Variants in TBC1D5 observed in about 807,000 individuals in gnomAD.
TBC1D5 encodes TBC1 domain family member 5.
Under a neutral mutation model 100.3 loss-of-function variants are expected in TBC1D5, and 75 were observed. The ratio of observed to expected loss-of-function variants is 0.75; its 90% CI spans 0.62 to 0.91. The LOEUF (loss-of-function observed/expected upper bound fraction) is 0.91. Ranked by LOEUF, TBC1D5 falls within the 40% of genes least tolerant of loss-of-function variation. TBC1D5 has a pLI of 0.00. For missense variants in TBC1D5, 910 were observed against 942.4 expected (o/e 0.97, Z 0.45); for synonymous variants, 323 against 325.6 (o/e 0.99, Z 0.09).
chr3:17,514,771 A>G (rs984168302), intron 2 of TBC1D5, among the ~76,000 whole-genome samples: 1 of 152,180 alleles, frequency 6.6e-6, no homozygotes, highest in Non-Finnish European at 1.5e-5. Flanking sequence ...TCAAACTGCC[A>G]AACAGAAAGC....
At chr3:17,344,669 CT>C (rs1245804535) in intron 13 of TBC1D5, among the ~76,000 whole-genome samples, 7 of 152,156 alleles carry the variant, frequency 4.6e-5, no homozygotes. Context: ...TCAAACTATA[CT>C]ACAAGGCTAC....
At chr3:17,334,831 T>G (rs1307152471) in intron 13 of TBC1D5, among the ~76,000 whole-genome samples, 1 of 152,172 alleles carries the variant, frequency 6.6e-6, no homozygotes, top group Non-Finnish European at 1.5e-5. Flanking sequence ...GCAAGGTAAT[T>G]GCAGTTGAGA....
At chr3:17,586,663 C>T (rs2096735021) in intron 2 of TBC1D5, 1 of 152,074 alleles carries the variant, frequency 6.6e-6, no homozygotes, top group South Asian at 2.1e-4. Context: ...ATACAAAAAG[C>T]AGGCTAAAAA....
In TBC1D5 at chr3:17,224,808, T is replaced by C. The variant is rs2074668917; in HGVS notation, c.1589-10438A>G. Among the ~76,000 whole-genome samples the C allele has an allele frequency of 3.3e-5, 5 of 152,356 alleles. No individual in the cohort carries two copies. The South Asian group carries it at 1.0e-3, about 32-fold the overall frequency. ...GGCAACAACACCCAGAGGTTTCTTT[T>C]GCAGCTATTACCCTGCTTAGTAAAC... On this transcript the variant is annotated intron_variant, in intron 17 of 21. Coordinates refer to ENST00000253692, the Ensembl canonical transcript of TBC1D5.
intron 1 of TBC1D5, among the ~76,000 whole-genome samples, chr3:17,727,711 C>T (rs1002750298): frequency 1.3e-5 from 2 of 152,138 alleles, no homozygotes; most frequent in Admixed American, 6.5e-5. Flanking sequence ...ACAAAAAGCA[C>T]CAGGCCTACA....
chr3:17,598,548 A>G (rs2060722716), intron 2 of TBC1D5, among the ~76,000 whole-genome samples: 1 of 152,090 alleles, frequency 6.6e-6, no homozygotes, highest in African/African-American at 2.4e-5. Context: ...TTATAATATC[A>G]CCTGTCTGTC....
chr3:17,372,288 A>T (rs762564957), intron 12 of TBC1D5, 41 bp from the exon 13 acceptor site: 2 of 1,502,966 alleles, frequency 1.3e-6, no homozygotes, highest in Non-Finnish European at 1.8e-6. Flanking sequence ...TTAAATATGA[A>T]ATTAATAAAT....
intron 3 of TBC1D5, among the ~76,000 whole-genome samples, chr3:17,448,238 T>C (rs997723254): frequency 6.6e-6 from 1 of 152,232 alleles, no homozygotes; most frequent in African/African-American, 2.4e-5. Flanking sequence ...TCTTGCTATT[T>C]CCTGTCCATC....
At chr3:17,722,248 C>G (rs2075768962) in intron 1 of TBC1D5, among the ~76,000 whole-genome samples, 1 of 152,164 alleles carries the variant, frequency 6.6e-6, no homozygotes, top group Non-Finnish European at 1.5e-5. Context: ...CTATTTTACT[C>G]AGCACAAGTA....
chr3:17,467,866 C>A (rs1239359000), intron 3 of TBC1D5, among the ~76,000 whole-genome samples: 1 of 152,188 alleles, frequency 6.6e-6, no homozygotes, highest in Non-Finnish European at 1.5e-5. Flanking sequence ...CACTGTACTG[C>A]AGTCTAGGAA....
chr3:17,478,207 G>C (rs982395254), intron 3 of TBC1D5, among the ~76,000 whole-genome samples: 2 of 151,984 alleles, frequency 1.3e-5, no homozygotes, highest in Non-Finnish European at 2.9e-5. Flanking sequence ...TAGGTTTTCA[G>C]TTAATTATTT....
intron 2 of TBC1D5, among the ~76,000 whole-genome samples, chr3:17,531,193 GACAA>G (rs553277854): frequency 1.2e-3 from 181 of 152,264 alleles, no homozygotes; most frequent in African/African-American, 4.2e-3. Context: ...AGCAATAACA[GACAA>G]ACAGAGAGCC....
chr3:17,246,039 A>G (rs932802148), intron 16 of TBC1D5, among the ~76,000 whole-genome samples: 13 of 152,162 alleles, frequency 8.5e-5, no homozygotes, highest in African/African-American at 3.1e-4. Context: ...GAGAATCACT[A>G]TATGTCTTCA....
chr3:17,504,101 C>A (rs2153225240), intron 3 of TBC1D5, among the ~76,000 whole-genome samples: 1 of 14,198 alleles, frequency 7.0e-5, no homozygotes, highest in East Asian at 1.8e-3. Flanking sequence ...AAACAGAGTT[C>A]ATACATTACA....
At chr3:17,609,114 T>C (rs2061514536) in intron 2 of TBC1D5, among the ~76,000 whole-genome samples, 2 of 152,256 alleles carry the variant, frequency 1.3e-5, no homozygotes, top group Non-Finnish European at 2.9e-5. Context: ...CTAATTACCA[T>C]ACTTTTTATT....
chr3:17,455,318 G>GTGTA (rs2095042970), intron 3 of TBC1D5, among the ~76,000 whole-genome samples: 1 of 135,696 alleles, frequency 7.4e-6, no homozygotes, highest in African/African-American at 3.2e-5. Flanking sequence ...GTAAATATGT[G>GTGTA]TATATGTGTA....
chr3:17,395,996 C>G (rs2093493880), intron 8 of TBC1D5, among the ~76,000 whole-genome samples: 1 of 151,970 alleles, frequency 6.6e-6, no homozygotes, highest in South Asian at 2.1e-4. Flanking sequence ...GACTACAGGC[C>G]ATTTGACAGA....
At chr3:17,270,802 G>A (rs1360101616) in intron 15 of TBC1D5, among the ~76,000 whole-genome samples, 1 of 152,064 alleles carries the variant, frequency 6.6e-6, no homozygotes, top group East Asian at 1.9e-4. Context: ...ATATGGTGAA[G>A]GTAGGAGTCC....
chr3:17,424,804 T>C (rs941120308), intron 4 of TBC1D5, among the ~76,000 whole-genome samples: 3 of 152,102 alleles, frequency 2.0e-5, no homozygotes, highest in Non-Finnish European at 2.9e-5. Flanking sequence ...AAAAAGTCTA[T>C]GAGTATTAGG....
Sources: allele counts gnomAD v4.1 joint callset (sites outside exome capture counted in the v4.1 genomes callset), GRCh38; gene constraint gnomAD v4.1.1; transcripts MANE v1.5; gene names NCBI Gene and HGNC (gene_info 2026-07-23, HGNC 2026-07-21).